ASPRV1: variants seen among roughly 807,000 people sequenced by gnomAD.
ASPRV1 encodes the protein retroviral-like aspartic protease 1.
A neutral mutation model predicts 11.0 loss-of-function variants in ASPRV1; 7 were observed. The ratio of observed to expected loss-of-function variants is 0.64; its 90% CI spans 0.36 to 1.20. ASPRV1 has a LOEUF of 1.20. ASPRV1 is among the 50% of genes most tolerant of loss of function. ASPRV1 has a pLI of 0.02. For synonymous variants in ASPRV1, 136 were observed against 138.4 expected (o/e 0.98, Z 0.12); for missense variants, 299 against 320.0 (o/e 0.93, Z 0.50).
the ASPRV1 span, chr2:69,937,352 A>G: frequency 9.9e-6 from 16 of 1,613,988 alleles, no homozygotes; most frequent in Non-Finnish European, 1.4e-5. Context: ...GATGGACAGC[A>G]TCGGCTCCAC....
chr2:70,081,676 C>T, the ASPRV1 span, among the ~76,000 whole-genome samples: 10 of 152,088 alleles, frequency 6.6e-5, no homozygotes, highest in Non-Finnish European at 8.8e-5. Context: ...CTCCAACTCC[C>T]GGGCTCAAGT....
the ASPRV1 span, among the ~76,000 whole-genome samples, chr2:70,006,612 T>C: frequency 1.7e-4 from 26 of 151,910 alleles, no homozygotes; most frequent in Admixed American, 4.6e-4. Context: ...GAGGGCCAGA[T>C]AGGATTCAGA....
chr2:69,975,658 G>T, the ASPRV1 span: 3 of 152,386 alleles, frequency 2.0e-5, no homozygotes, highest in Non-Finnish European at 4.4e-5. Context: ...AAGGAAAGGA[G>T]CGTGAAGGAG....
At chr2:70,039,192 T>A in the ASPRV1 span, among the ~76,000 whole-genome samples, 1 of 152,130 alleles carries the variant, frequency 6.6e-6, no homozygotes, top group Non-Finnish European at 1.5e-5. Flanking sequence ...AGTATTAGAA[T>A]TCAAGTTGCT....
the ASPRV1 span, among the ~76,000 whole-genome samples, chr2:70,043,009 A>C: frequency 6.6e-6 from 1 of 152,234 alleles, no homozygotes; most frequent in Non-Finnish European, 1.5e-5. Context: ...AAAGGCACTG[A>C]GATTTGAGTT....
chr2:70,036,330 T>C, the ASPRV1 span, among the ~76,000 whole-genome samples: 1 of 152,108 alleles, frequency 6.6e-6, no homozygotes, highest in African/African-American at 2.4e-5. Flanking sequence ...GGTTTTATGT[T>C]GTAGCATGCA....
At chr2:70,087,206 A>G in the ASPRV1 span, 11 of 152,260 alleles carry the variant, frequency 7.2e-5, no homozygotes, top group African/African-American at 2.4e-4. Flanking sequence ...ACACAGCACT[A>G]GTATTTTCAG....
At chr2:70,026,140 G>T in the ASPRV1 span, among the ~76,000 whole-genome samples, 2 of 152,114 alleles carry the variant, frequency 1.3e-5, no homozygotes, top group Non-Finnish European at 2.9e-5. Context: ...CTAACATGGT[G>T]AAACCTTGTC....
chr2:70,012,991 A>C, the ASPRV1 span, among the ~76,000 whole-genome samples: 3 of 152,254 alleles, frequency 2.0e-5, no homozygotes, highest in African/African-American at 7.2e-5. Context: ...AAGATTTAAA[A>C]TTTTGGAAAA....
chr2:69,961,514 C>T lies in ASPRV1; in HGVS notation c.-78G>A, dbSNP rs202016029. 1.5e-5 allele frequency: 24 copies of T among 1,614,144 alleles called. No individual in the cohort carries two copies. The highest frequency in any genetic ancestry group is 3.3e-4 in the Middle Eastern group (2 of 6,062). On this transcript the variant is annotated 5_prime_UTR_variant, in exon 1 of 1. It adds an upstream start codon to the 5' untranslated region. Coordinates refer to ENST00000320256, the MANE Select transcript of ASPRV1 (RefSeq NM_152792.4). ...CCACAGAGCAGTGTCGGCGCAATCA[C>T]GCTGGAAAACGGGGCCTCTCGAAGC...
the ASPRV1 span, among the ~76,000 whole-genome samples, chr2:70,034,070 C>T: frequency 7.0e-6 from 1 of 141,918 alleles, no homozygotes; most frequent in East Asian, 2.3e-4. Flanking sequence ...AGGAGAATGG[C>T]GTGAACCCCG....
the ASPRV1 span, among the ~76,000 whole-genome samples, chr2:70,062,044 G>A: frequency 6.6e-6 from 1 of 151,410 alleles, no homozygotes; most frequent in African/African-American, 2.4e-5. Context: ...TCCCAGCACT[G>A]TGGGAGGCTG....
chr2:70,008,669 G>A, the ASPRV1 span, among the ~76,000 whole-genome samples: 3 of 151,528 alleles, frequency 2.0e-5, no homozygotes, highest in African/African-American at 7.3e-5. Flanking sequence ...CAACTATTGT[G>A]TTAGTGTATT....
chr2:70,036,798 G>A, the ASPRV1 span, among the ~76,000 whole-genome samples: 114 of 152,084 alleles, frequency 7.5e-4, 2 homozygotes, highest in Non-Finnish European at 2.6e-4. Flanking sequence ...CTCCCAAAGC[G>A]CTGGGATTAC....
At chr2:69,987,212 A>T in the ASPRV1 span, among the ~76,000 whole-genome samples, 102 of 152,202 alleles carry the variant, frequency 6.7e-4, no homozygotes, top group Non-Finnish European at 1.2e-3. Flanking sequence ...GCCAATCGCC[A>T]TCCCCTCCTG....
Position 69,961,299 on chromosome 2 carries a change from G to C in ASPRV1, c.138C>G (p.Asp46Glu), listed in dbSNP as rs752611968. 1 of 1,614,082 alleles carries C rather than the reference G, an allele frequency of 6.2e-7. No individual in the cohort carries two copies. The highest frequency in any genetic ancestry group is 1.1e-5 in the South Asian group (1 of 91,080). ...FEVINDLNHW[D>E]HITKLRFLKE... ...TCAGGAACCTTAGCTTGGTGATATG[G>C]TCCCAATGGTTGAGGTCATTGATGA... Residue 46 changes from aspartate to glutamate, a missense_variant, in exon 1 of 1, where the codon GAC becomes GAG. Asp to Glu is a conservative substitution (Grantham distance 45). Coordinates refer to ENST00000320256, the MANE Select transcript of ASPRV1 (RefSeq NM_152792.4).
the ASPRV1 span, among the ~76,000 whole-genome samples, chr2:70,005,517 T>G: frequency 4.6e-5 from 7 of 152,238 alleles, no homozygotes; most frequent in Non-Finnish European, 8.8e-5. Context: ...ATTCATTAAC[T>G]TCTTTTATCT....
chr2:70,052,281 A>G, the ASPRV1 span, among the ~76,000 whole-genome samples: 172 of 152,332 alleles, frequency 1.1e-3, no homozygotes, highest in Middle Eastern at 0.01. Context: ...AGAGAATAAT[A>G]GCAGTATTAT....
the ASPRV1 span, among the ~76,000 whole-genome samples, chr2:70,001,735 G>T: frequency 1.4e-3 from 219 of 152,220 alleles, 1 homozygote; most frequent in African/African-American, 4.8e-3. Flanking sequence ...ACCCCAGCCT[G>T]AGCAGCAAGA....
Sources: allele counts gnomAD v4.1 joint callset (sites outside exome capture counted in the v4.1 genomes callset), GRCh38; gene constraint gnomAD v4.1.1; transcripts MANE v1.5; gene names NCBI Gene and HGNC (gene_info 2026-07-23, HGNC 2026-07-21).